Variants in PCCA observed in about 807,000 individuals in gnomAD.
The protein encoded by PCCA is propionyl-CoA carboxylase subunit alpha.
In PCCA, 74 loss-of-function variants were observed where a neutral mutation model predicts 101.3. The observed-to-expected ratio is 0.73, with a 90% CI of 0.61 to 0.89. PCCA has a LOEUF of 0.89. Ranked by LOEUF, PCCA falls within the 40% of genes least tolerant of loss-of-function variation. The pLI is 0.00. For synonymous variants in PCCA, 294 were observed against 313.6 expected, an observed-to-expected ratio of 0.94 and a Z score of 0.66; for missense variants, 891 against 907.0, an observed-to-expected ratio of 0.98 and a Z score of 0.23.
At chr13:100,524,914 AAGAT>A (rs796956670) in intron 22 of PCCA, among the ~76,000 whole-genome samples, 8 of 152,042 alleles carry the variant, frequency 5.3e-5, no homozygotes, top group South Asian at 2.1e-4. Flanking sequence ...TAGATTACAT[AAGAT>A]AGATAGATAG....
chr13:100,347,584 G>T (rs528577112), intron 18 of PCCA, among the ~76,000 whole-genome samples: 1 of 152,220 alleles, frequency 6.6e-6, no homozygotes, highest in South Asian at 2.1e-4. Flanking sequence ...AATATTTAGG[G>T]CAATTGCTTT....
chr13:100,178,628 T>C (rs1367722610), intron 6 of PCCA, among the ~76,000 whole-genome samples: 1 of 152,200 alleles, frequency 6.6e-6, no homozygotes, highest in Non-Finnish European at 1.5e-5. Flanking sequence ...CAGCATTTCC[T>C]CTGGCAAATA....
intron 19 of PCCA, among the ~76,000 whole-genome samples, chr13:100,401,319 C>T (rs1366580614): frequency 6.6e-6 from 1 of 152,116 alleles, no homozygotes; most frequent in Non-Finnish European, 1.5e-5. Flanking sequence ...TCTTGACTCA[C>T]CACAACCTCT....
intron 18 of PCCA, among the ~76,000 whole-genome samples, chr13:100,359,576 C>A (rs949600823): frequency 4.6e-5 from 7 of 152,140 alleles, no homozygotes; most frequent in African/African-American, 1.7e-4. Flanking sequence ...CTTAACATAG[C>A]ATAAAAATAG....
chr13:100,447,259 C>G (rs1352056248), intron 20 of PCCA, among the ~76,000 whole-genome samples: 1 of 151,598 alleles, frequency 6.6e-6, no homozygotes, highest in Non-Finnish European at 1.5e-5. Context: ...TGGGAGATGC[C>G]TATAGTCCCA....
intron 19 of PCCA, among the ~76,000 whole-genome samples, chr13:100,379,640 C>T (rs1421403458): frequency 6.6e-6 from 1 of 152,114 alleles, no homozygotes; most frequent in African/African-American, 2.4e-5. Flanking sequence ...GGGGAGGCCT[C>T]ATAATCATGG....
At chr13:100,428,745 G>C (rs1006498709) in intron 20 of PCCA, among the ~76,000 whole-genome samples, 6 of 152,190 alleles carry the variant, frequency 3.9e-5, no homozygotes, top group Admixed American at 3.3e-4. Flanking sequence ...AAGCCCCCAG[G>C]TAATGCTGCT....
At chr13:100,151,062 T>C in intron 4 of PCCA, 1 of 1,555,054 alleles carries the variant, frequency 6.4e-7, no homozygotes, top group Non-Finnish European at 8.9e-7. Flanking sequence ...TGCTGCTTTC[T>C]CCGTAGCTCC....
chr13:100,318,252 C>T (rs2067590014), intron 16 of PCCA, among the ~76,000 whole-genome samples: 1 of 152,138 alleles, frequency 6.6e-6, no homozygotes, highest in Non-Finnish European at 1.5e-5. Flanking sequence ...ATACTCAGAC[C>T]ATGGTGTTTT....
At chr13:100,321,713 A>C (rs775417255) in intron 16 of PCCA, among the ~76,000 whole-genome samples, 4 of 151,678 alleles carry the variant, frequency 2.6e-5, no homozygotes, top group Non-Finnish European at 5.9e-5. Context: ...AACTTTTTCC[A>C]TGGAATTTTT....
chr13:100,131,359 A>G (rs1485899073), intron 4 of PCCA, among the ~76,000 whole-genome samples: 2 of 152,136 alleles, frequency 1.3e-5, no homozygotes, highest in African/African-American at 4.8e-5. Flanking sequence ...TTCTTAATCA[A>G]GAGCCGTGAT....
At position 100,111,178 on chromosome 13, in the gene PCCA, CT is replaced by C. The variant is rs965293674; in HGVS notation, c.184-637del. ...AGGCGCGTACCACTAGACCCAGCTCCTTTTTTTTTTTTTTTTTTTTTTTTTT... is the reference window on the plus strand; with the variant it reads ...AGGCGCGTACCACTAGACCCAGCTCCTTTTTTTTTTTTTTTTTTTTTTTTT... On this transcript the variant is annotated intron_variant, in intron 2 of 23. Transcript: ENST00000376285. 9.5e-3 allele frequency among the ~76,000 whole-genome samples: 940 copies of C among 98,510 alleles called. 1 individual carries two copies. Among genetic ancestry groups the C allele is most frequent in the African/African-American group, 0.02 (460 of 23,520 alleles). 64.6% of individuals were successfully genotyped at this position (98,510 alleles called of 152,430 possible). A position where few individuals can be genotyped will look rare whatever the true frequency, so the allele number is the denominator to read the frequency against.
intron 2 of PCCA, among the ~76,000 whole-genome samples, chr13:100,109,362 C>T (rs1228709762): frequency 3.9e-5 from 6 of 152,114 alleles, no homozygotes; most frequent in African/African-American, 1.4e-4. Context: ...CAGACTGACT[C>T]GTAATGACCA....
intron 21 of PCCA, among the ~76,000 whole-genome samples, chr13:100,477,986 G>C (rs2083551369): frequency 6.6e-6 from 1 of 152,240 alleles, no homozygotes; most frequent in Non-Finnish European, 1.5e-5. Flanking sequence ...GGCCGCTCCA[G>C]GTTGTTGCTG....
rs369105896 is a variant in PCCA at position 100,295,465 on chromosome 13, A to G, written c.1066-5995A>G. ...TAATACCTGTCAGTTTAGACAGGAT[A>G]TATTGAATAAAAATGTCACTTAAAA... On this transcript the variant is annotated intron_variant, in intron 12 of 23. Coordinates refer to ENST00000376285, the MANE Select transcript of PCCA (RefSeq NM_000282.4). Among the ~76,000 whole-genome samples the G allele has an allele frequency of 6.6e-5, 10 of 152,390 alleles. No individual in the cohort carries two copies. In the South Asian group the frequency reaches 1.0e-3, roughly 16 times the overall value.
At chr13:100,329,478 T>C (rs2069215423) in intron 16 of PCCA, among the ~76,000 whole-genome samples, 1 of 152,184 alleles carries the variant, frequency 6.6e-6, no homozygotes, top group Admixed American at 6.6e-5. Flanking sequence ...TCATCGAAGC[T>C]GATCCTTTTA....
intron 16 of PCCA, among the ~76,000 whole-genome samples, chr13:100,325,485 A>G (rs1241296198): frequency 1.3e-5 from 2 of 152,154 alleles, no homozygotes; most frequent in Non-Finnish European, 2.9e-5. Flanking sequence ...ATTGAAGAGA[A>G]AGGATATCTG....
intron 18 of PCCA, among the ~76,000 whole-genome samples, chr13:100,363,655 G>A (rs913443353): frequency 6.6e-6 from 1 of 152,144 alleles, no homozygotes; most frequent in Admixed American, 6.6e-5. Flanking sequence ...TTATGATGAA[G>A]CATTTCTTAA....
chr13:100,341,961 A>ATG (rs1392796265), intron 18 of PCCA, among the ~76,000 whole-genome samples: 1 of 106,448 alleles, frequency 9.4e-6, no homozygotes, highest in Non-Finnish European at 2.0e-5. Context: ...TTCAAAGTAT[A>ATG]TATATATATA....
Sources: gnomAD v4.1 joint callset for allele counts (sites outside exome capture counted in the v4.1 genomes callset) on GRCh38, gnomAD v4.1.1 for gene constraint, MANE v1.5 for transcripts, NCBI Gene and HGNC (gene_info 2026-07-23, HGNC 2026-07-21) for gene names.